Variants in OPA3 observed in about 807,000 individuals in gnomAD.
OPA3 encodes the protein optic atrophy 3 protein.
A neutral mutation model predicts 4.0 loss-of-function variants in OPA3; 6 were observed. That is an observed-to-expected ratio of 1.51 (90% CI 0.83 to 2.99). The LOEUF (loss-of-function observed/expected upper bound fraction) is 2.99. Among genes scored for constraint, OPA3 ranks in the 30% most tolerant of loss-of-function variants. The pLI, the probability that OPA3 is intolerant of heterozygous loss-of-function variation, is 0.00. For synonymous variants in OPA3, 105 were observed against 117.1 expected (o/e 0.90, Z 0.67); for missense variants, 235 against 256.2 (o/e 0.92, Z 0.56).
chr19:45,584,683 T>A lies in OPA3; in HGVS notation c.82A>T (p.Lys28Ter). The change falls in exon 1 of 2, where the codon AAG (lysine) becomes TAG (stop). Residue 28 changes from lysine to a stop codon, truncating the protein, a stop_gained. Transcript: ENST00000263275. LOFTEE classifies it high-confidence loss of function. ...AACTCGCTTCGGCGGGCGGCCTCCT[T>A]AATACGGTTGGCAAGCGGCTTGCTG... ...QVSKPLANRI[K>*]EAARRSEFFK... The A allele has an allele frequency of 6.2e-7, 1 of 1,614,180 alleles. No individual in the cohort carries two copies. Among genetic ancestry groups the A allele is most frequent in the Non-Finnish European group, 8.5e-7 (1 of 1,180,024 alleles).
rs187161163 is a variant in OPA3 at position 45,556,402 on chromosome 19, G to A, written c.143-2491C>T. 4.0e-3 allele frequency among the ~76,000 whole-genome samples: 612 copies of A among 152,028 alleles called. 2 individuals carry two copies. The highest frequency in any genetic ancestry group is 0.013 in the African/African-American group (554 of 41,466). ...GATGGGCTCTCACTCTGTGGTCCAG[G>A]ATGGAAGGCAGCGGCTCCATCACAG... On this transcript the variant is annotated intron_variant, in intron 1 of 1. Coordinates refer to ENST00000263275, the MANE Select transcript of OPA3 (RefSeq NM_025136.4).
intron 1 of OPA3, among the ~76,000 whole-genome samples, chr19:45,571,848 T>C (rs1454728069): frequency 6.6e-6 from 1 of 152,168 alleles, no homozygotes; most frequent in Non-Finnish European, 1.5e-5. Context: ...TGGTGGTTAG[T>C]TAGCCCTTCT....
At position 45,553,011 on chromosome 19, in the gene OPA3, C is replaced by G. The variant is rs1969359169; in HGVS notation, c.*503G>C. On this transcript the variant is annotated 3_prime_UTR_variant, in exon 2 of 2. Transcript: ENST00000263275. ...TTTCCTCCTTAAGAGAGCACTGATG[C>G]TCAGCTAGAGCTGACCTTAGAAGGT... 2 of 1,007,992 alleles carry G rather than the reference C, an allele frequency of 2.0e-6. No homozygotes were observed. The highest frequency in any genetic ancestry group is 2.4e-6 in the Non-Finnish European group (2 of 843,700). The allele number at this position is 1,007,992 out of a possible 1,614,324, so 62.4% of individuals were successfully genotyped here. A position where few individuals can be genotyped will look rare whatever the true frequency, so the allele number is the denominator to read the frequency against.
rs1969362722 is a variant in OPA3 at position 45,553,208 on chromosome 19, C to T, written c.*306G>A. 2 of 1,365,932 alleles carry T rather than the reference C, an allele frequency of 1.5e-6. No individual in the cohort carries two copies. Among genetic ancestry groups the T allele is most frequent in the Non-Finnish European group, 9.5e-7 (1 of 1,056,886 alleles). The allele number at this position is 1,365,932 out of a possible 1,614,324, so 84.6% of individuals were successfully genotyped here. A position where few individuals can be genotyped will look rare whatever the true frequency, so the allele number is the denominator to read the frequency against. ...AATAACACATTGATTCAGCTCAAGACCAGGTTCCATTTTTTCATTTGCCAG... is the reference window on the plus strand; with the variant it reads ...AATAACACATTGATTCAGCTCAAGATCAGGTTCCATTTTTTCATTTGCCAG... On this transcript the variant is annotated 3_prime_UTR_variant, in exon 2 of 2. Coordinates refer to ENST00000263275, the MANE Select transcript of OPA3 (RefSeq NM_025136.4).
intron 1 of OPA3, among the ~76,000 whole-genome samples, chr19:45,567,637 C>T (rs1969603453): frequency 1.3e-5 from 2 of 152,014 alleles, no homozygotes; most frequent in Non-Finnish European, 1.5e-5. Flanking sequence ...AGATCTGTAC[C>T]TTGCATTGTA....
chr19:45,582,249 C>A (rs143437835), intron 1 of OPA3, among the ~76,000 whole-genome samples: 1 of 151,640 alleles, frequency 6.6e-6, no homozygotes, highest in Non-Finnish European at 1.5e-5. Context: ...CAACCTCCAT[C>A]CCCGGGTTCA....
At chr19:45,530,855 A>G (rs1408542977) in intron 1 of OPA3, among the ~76,000 whole-genome samples, 1 of 143,376 alleles carries the variant, frequency 7.0e-6, no homozygotes, top group Non-Finnish European at 1.5e-5. Context: ...TCTGCCTCCC[A>G]GATTCAAGCC....
At chr19:45,565,486 C>G (rs535174912) in intron 1 of OPA3, among the ~76,000 whole-genome samples, 1 of 151,042 alleles carries the variant, frequency 6.6e-6, no homozygotes, top group African/African-American at 2.4e-5. Context: ...AAAAATTAGC[C>G]GGGCATGGTG....
At chr19:45,537,980 G>C (rs1285154427) in intron 1 of OPA3, among the ~76,000 whole-genome samples, 1 of 151,532 alleles carries the variant, frequency 6.6e-6, no homozygotes, top group Non-Finnish European at 1.5e-5. Flanking sequence ...TGTAGTCCCA[G>C]CTACTCAGGA....
At chr19:45,529,948 G>A (rs1226484629) in intron 1 of OPA3, among the ~76,000 whole-genome samples, 9 of 151,594 alleles carry the variant, frequency 5.9e-5, no homozygotes, top group Admixed American at 5.3e-4. Flanking sequence ...TGCCCAGGCT[G>A]GTCTCGAACT....
intron 1 of OPA3, among the ~76,000 whole-genome samples, chr19:45,556,760 AGTCACT>A (rs961629617): frequency 6.6e-5 from 10 of 152,170 alleles, no homozygotes; most frequent in Admixed American, 3.9e-4. Context: ...GGGCCCGAGA[AGTCACT>A]GTCACTGTCA....
chr19:45,540,231 C>T (rs1477897160), intron 1 of OPA3, among the ~76,000 whole-genome samples: 2 of 151,946 alleles, frequency 1.3e-5, no homozygotes, highest in South Asian at 2.1e-4. Context: ...GCAGGAGAAT[C>T]GCTTGAACCC....
intron 1 of OPA3, among the ~76,000 whole-genome samples, chr19:45,583,136 G>A (rs755488574): frequency 7.2e-5 from 11 of 151,756 alleles, no homozygotes; most frequent in Non-Finnish European, 1.6e-4. Flanking sequence ...TATGTCCCAC[G>A]TAGCACAACA....
rs902471995 is a variant in OPA3 at position 45,553,281 on chromosome 19, T to C, written c.*233A>G. On this transcript the variant is annotated 3_prime_UTR_variant, in exon 2 of 2. Coordinates refer to ENST00000263275, the MANE Select transcript of OPA3 (RefSeq NM_025136.4). The stretch of plus-strand genomic sequence containing the variant: ...CTGGGACCTTGCAGGTCGTCCTGGT[T>C]TGGAGTGGGGGATAGGAGGTGAAGG... 2.8e-6 allele frequency: 4 copies of C among 1,421,884 alleles called. No homozygotes were observed. The Admixed American group carries it at 1.1e-4, about 40-fold the overall frequency. The allele number at this position is 1,421,884 out of a possible 1,614,324, so 88.1% of individuals were successfully genotyped here. A position where few individuals can be genotyped will look rare whatever the true frequency, so the allele number is the denominator to read the frequency against.
exon 2 of OPA3, chr19:45,529,200 G>C: frequency 6.2e-7 from 1 of 1,611,442 alleles, no homozygotes; most frequent in Non-Finnish European, 8.5e-7. Flanking sequence ...GCAACTCCTC[G>C]AGCGCCAGCC....
rs139337510 is a variant in OPA3, at chr19:45,561,711, C to T, written c.143-7800G>A. 1.2e-3 allele frequency among the ~76,000 whole-genome samples: 186 copies of T among 152,020 alleles called. No homozygotes were observed. The East Asian group carries it at 0.027, about 22-fold the overall frequency. ...ATCCCAGCACTTTGGGAGGCCGAGG[C>T]GGGCAGATCACCTGAGGTCAGGAAT... On this transcript the variant is annotated intron_variant, in intron 1 of 1. Transcript: ENST00000263275.
rs1390357477 is a variant in OPA3, at chr19:45,549,874, C to G, written c.*3640G>C. Reference sequence around the variant, plus strand: ...TCCAGAAGGAACTGAAATGCTGTTTCAGGCCAGGCGCGGTGGCTCACGCCT... The same window carrying G: ...TCCAGAAGGAACTGAAATGCTGTTTGAGGCCAGGCGCGGTGGCTCACGCCT... On this transcript the variant is annotated 3_prime_UTR_variant, in exon 2 of 2. Coordinates refer to ENST00000263275, the MANE Select transcript of OPA3 (RefSeq NM_025136.4). 1 of 985,420 alleles carries G rather than the reference C, an allele frequency of 1.0e-6. No homozygotes were observed. The highest frequency in any genetic ancestry group is 6.2e-5 in the Admixed American group (1 of 16,250). 61.0% of individuals were successfully genotyped at this position (985,420 alleles called of 1,614,324 possible).
Position 45,553,207 on chromosome 19 carries a change from A to G in OPA3, c.*307T>C. 2.9e-6 allele frequency: 4 copies of G among 1,366,244 alleles called. No individual in the cohort carries two copies. The highest frequency in any genetic ancestry group is 3.8e-6 in the Non-Finnish European group (4 of 1,056,912). 84.6% of individuals were successfully genotyped at this position (1,366,244 alleles called of 1,614,324 possible). ...CAATAACACATTGATTCAGCTCAAG[A>G]CCAGGTTCCATTTTTTCATTTGCCA... On this transcript the variant is annotated 3_prime_UTR_variant, in exon 2 of 2. Transcript: ENST00000263275.
chr19:45,536,759 C>A (rs940303405), intron 1 of OPA3, among the ~76,000 whole-genome samples: 1 of 151,990 alleles, frequency 6.6e-6, no homozygotes, highest in Non-Finnish European at 1.5e-5. Context: ...TGACTTGTGA[C>A]GAAAGTGACA....
Sources: allele counts gnomAD v4.1 joint callset (sites outside exome capture counted in the v4.1 genomes callset), GRCh38; gene constraint gnomAD v4.1.1; transcripts MANE v1.5; gene names NCBI Gene and HGNC (gene_info 2026-07-23, HGNC 2026-07-21).